The following MARCHF1 variants were observed in gnomAD, a reference collection of about 807,000 sequenced individuals.
The protein encoded by MARCHF1 is membrane associated ring-CH-type finger 1.
In MARCHF1, 40 loss-of-function variants were observed where a neutral mutation model predicts 54.2. The ratio of observed to expected loss-of-function variants is 0.74; its 90% CI spans 0.57 to 0.96. The LOEUF (loss-of-function observed/expected upper bound fraction) is 0.96, where lower values mean the gene tolerates loss of function less well. Ranked by LOEUF, MARCHF1 falls within the 40% of genes least tolerant of loss-of-function variation. The pLI is 0.00. For synonymous variants in MARCHF1, 236 were observed against 236.3 expected (o/e 1.00, Z 0.01); for missense variants, 586 against 656.5 (o/e 0.89, Z 1.17).
chr4:164,060,646 T>C (rs1287795312), intron 2 of MARCHF1, among the ~76,000 whole-genome samples: 1 of 152,144 alleles, frequency 6.6e-6, no homozygotes, highest in African/African-American at 2.4e-5. Context: ...GAATAGCTTT[T>C]ACTTAGAAAA....
intron 1 of MARCHF1, among the ~76,000 whole-genome samples, chr4:164,275,726 T>C (rs9684448): frequency 0.32 from 48,189 of 152,110 alleles, 9,515 homozygotes; most frequent in East Asian, 0.51. Flanking sequence ...AAGCAGTGAA[T>C]CATTGAAGAC....
At chr4:164,142,523 C>G (rs1013452756) in intron 1 of MARCHF1, among the ~76,000 whole-genome samples, 7 of 152,070 alleles carry the variant, frequency 4.6e-5, no homozygotes, top group Admixed American at 2.0e-4. Flanking sequence ...CCCTGACCCC[C>G]CAGCAGCCTA....
chr4:163,638,895 A>C (rs993728176), intron 5 of MARCHF1, among the ~76,000 whole-genome samples: 1 of 152,220 alleles, frequency 6.6e-6, no homozygotes, highest in Non-Finnish European at 1.5e-5. Context: ...AACATTGTTG[A>C]AACTTCAAGA....
intron 1 of MARCHF1, among the ~76,000 whole-genome samples, chr4:164,145,315 C>A (rs574988803): frequency 2.3e-3 from 347 of 152,160 alleles, no homozygotes; most frequent in African/African-American, 7.5e-3. Context: ...CTCCCTAACT[C>A]ATTTTATGAG....
chr4:164,023,549 G>C (rs535311268), intron 2 of MARCHF1, among the ~76,000 whole-genome samples: 3 of 152,210 alleles, frequency 2.0e-5, no homozygotes, highest in East Asian at 1.9e-4. Context: ...CTAGACAGAG[G>C]GCTGGCCCTC....
At chr4:163,730,997 C>T (rs1745812175) in intron 4 of MARCHF1, among the ~76,000 whole-genome samples, 2 of 152,142 alleles carry the variant, frequency 1.3e-5, no homozygotes, top group South Asian at 4.1e-4. Context: ...TTAGATTTCT[C>T]CTCTTCCCTA....
chr4:163,562,033 A>T (rs934283923), intron 8 of MARCHF1, among the ~76,000 whole-genome samples: 1 of 152,170 alleles, frequency 6.6e-6, no homozygotes, highest in Non-Finnish European at 1.5e-5. Context: ...GTGGTGGCTC[A>T]CGCCTGTAAT....
chr4:164,271,352 T>C (rs1312037990), intron 1 of MARCHF1, among the ~76,000 whole-genome samples: 1 of 152,066 alleles, frequency 6.6e-6, no homozygotes, highest in Non-Finnish European at 1.5e-5. Flanking sequence ...TAGAGAGAGA[T>C]GTGACAATGA....
At chr4:164,264,213 A>G (rs1733544475) in intron 1 of MARCHF1, among the ~76,000 whole-genome samples, 1 of 152,216 alleles carries the variant, frequency 6.6e-6, no homozygotes, top group Non-Finnish European at 1.5e-5. Context: ...ACCCTCTATC[A>G]TCCTTAGCAA....
At position 163,755,037 on chromosome 4, in the gene MARCHF1, T is replaced by C. The variant is rs1261880735; in HGVS notation, c.112-54174A>G. On this transcript the variant is annotated intron_variant, in intron 4 of 9. Transcript: ENST00000514618. ...GCCCCCAAGGGGACATTCGGCAATG[T>C]CTGAAGACATTTTTAGTTTTCCTAT... Among the ~76,000 whole-genome samples the C allele has an allele frequency of 2.0e-5, 3 of 152,202 alleles. No homozygotes were observed. The East Asian group carries it at 5.8e-4, about 29-fold the overall frequency.
intron 4 of MARCHF1, among the ~76,000 whole-genome samples, chr4:163,819,562 T>C (rs763645433): frequency 6.6e-5 from 10 of 152,090 alleles, no homozygotes; most frequent in Non-Finnish European, 1.0e-4. Flanking sequence ...ACCACAACCA[T>C]GTGAAAACTT....
intron 1 of MARCHF1, among the ~76,000 whole-genome samples, chr4:164,165,378 C>CTCTCTCTCTCTCTCTG (rs1365629967): frequency 2.0e-5 from 3 of 151,924 alleles, no homozygotes; most frequent in African/African-American, 7.3e-5. Context: ...CTCTCTCTCT[C>CTCTCTCTCTCTCTCTG]TCTCTGCCTC....
intron 3 of MARCHF1, among the ~76,000 whole-genome samples, chr4:163,916,427 G>A (rs930998786): frequency 6.6e-6 from 1 of 152,118 alleles, no homozygotes; most frequent in African/African-American, 2.4e-5. Flanking sequence ...AATCTGAGAG[G>A]AGACAGCAGG....
chr4:163,994,764 C>A lies in MARCHF1; in HGVS notation c.-247-6055G>T, dbSNP rs543635339. ...ATACACACACACACACACACACACA[C>A]ACACACACACACACACACACACACA... is the stretch of plus-strand genomic sequence containing the variant. On this transcript the variant is annotated intron_variant, in intron 2 of 9. Coordinates refer to ENST00000514618, the MANE Select transcript of MARCHF1 (RefSeq NM_001394959.1). Among the ~76,000 whole-genome samples, 418 of 112,226 alleles carry A rather than the reference C, an allele frequency of 3.7e-3. 2 individuals are homozygous for A. Among genetic ancestry groups the A allele is most frequent in the African/African-American group, 0.012 (371 of 30,902 alleles). 73.6% of individuals were successfully genotyped at this position (112,226 alleles called of 152,430 possible).
At chr4:163,671,658 T>C (rs1009378917) in intron 5 of MARCHF1, among the ~76,000 whole-genome samples, 3 of 152,176 alleles carry the variant, frequency 2.0e-5, no homozygotes, top group South Asian at 2.1e-4. Flanking sequence ...TTTTCTTATA[T>C]GTGTTTTCAT....
rs547454194 is a variant in MARCHF1 at position 163,876,327 on chromosome 4, G to A, written c.-38-22158C>T. On this transcript the variant is annotated intron_variant, in intron 3 of 9. Transcript: ENST00000514618. ...TATTCTTTAGACCTCCCATCCCCTCGGATTCCTAAAATAGAGACTTGGATA... is the reference window on the plus strand; with the variant it reads ...TATTCTTTAGACCTCCCATCCCCTCAGATTCCTAAAATAGAGACTTGGATA... Among the ~76,000 whole-genome samples the A allele has an allele frequency of 3.9e-5, 6 of 151,984 alleles. No homozygotes were observed. The East Asian group carries it at 9.7e-4, about 24-fold the overall frequency.
chr4:163,965,065 A>C (rs1044399814), intron 3 of MARCHF1, among the ~76,000 whole-genome samples: 4 of 151,946 alleles, frequency 2.6e-5, no homozygotes, highest in Non-Finnish European at 5.9e-5. Flanking sequence ...AACAAATGAA[A>C]CACCAGTGTT....
Position 164,294,949 on chromosome 4 carries a change from A to T in MARCHF1, c.-323+88921T>A, listed in dbSNP as rs149625666. Among the ~76,000 whole-genome samples, 22 of 152,284 alleles carry T rather than the reference A, an allele frequency of 1.4e-4. No individual in the cohort carries two copies. In the East Asian group the frequency reaches 3.5e-3, roughly 24 times the overall value. On this transcript the variant is annotated intron_variant, in intron 1 of 9. Coordinates refer to ENST00000514618, the MANE Select transcript of MARCHF1 (RefSeq NM_001394959.1). The stretch of plus-strand genomic sequence containing the variant: ...ACTTACCAGTATTTTAATGGGTGCA[A>T]CTTTACTTCTACCTAGGGTCTCTGG...
intron 1 of MARCHF1, among the ~76,000 whole-genome samples, chr4:164,114,768 T>C (rs1382864855): frequency 1.3e-5 from 2 of 150,596 alleles, no homozygotes; most frequent in African/African-American, 4.9e-5. Context: ...TTTGGAACAT[T>C]GCAAAAATTT....
Sources: gnomAD v4.1 joint callset for allele counts (sites outside exome capture counted in the v4.1 genomes callset) on GRCh38, gnomAD v4.1.1 for gene constraint, MANE v1.5 for transcripts, NCBI Gene and HGNC (gene_info 2026-07-23, HGNC 2026-07-21) for gene names.